Variants in NRXN3 observed in about 807,000 individuals in gnomAD.
NRXN3 encodes the protein neurexin 3.
Under a neutral mutation model 137.6 loss-of-function variants are expected in NRXN3, and 32 were observed. That is an observed-to-expected ratio of 0.23 (90% CI 0.18 to 0.31). The LOEUF (loss-of-function observed/expected upper bound fraction) is 0.31. Ranked by LOEUF, NRXN3 falls within the 10% of genes least tolerant of loss-of-function variation. The pLI, the probability that NRXN3 is intolerant of heterozygous loss-of-function variation, is 1.00. For synonymous variants in NRXN3, 798 were observed against 784.5 expected (o/e 1.02, Z -0.29); for missense variants, 1,574 against 2,062.5 (o/e 0.76, Z 4.59).
At chr14:78,896,163 C>T (rs1011442439) in intron 10 of NRXN3, among the ~76,000 whole-genome samples, 1 of 151,652 alleles carries the variant, frequency 6.6e-6, no homozygotes, top group Non-Finnish European at 1.5e-5. Flanking sequence ...AAGTGAAGCA[C>T]AAAAAAACTA....
At chr14:78,463,690 G>A (rs1358375096) in intron 4 of NRXN3, among the ~76,000 whole-genome samples, 1 of 145,586 alleles carries the variant, frequency 6.9e-6, no homozygotes, top group African/African-American at 2.6e-5. Flanking sequence ...ACAGAAGAAA[G>A]ATGCCTTGTT....
intron 8 of NRXN3, among the ~76,000 whole-genome samples, chr14:78,799,385 A>C (rs966516838): frequency 4.6e-5 from 7 of 152,212 alleles, no homozygotes; most frequent in East Asian, 1.9e-4. Flanking sequence ...TCCAGTTCCC[A>C]AAAAGTTCTT....
At chr14:78,524,129 A>C (rs1463662273) in intron 4 of NRXN3, among the ~76,000 whole-genome samples, 2 of 152,222 alleles carry the variant, frequency 1.3e-5, no homozygotes. Context: ...TGCTGCAAGC[A>C]CAGTGCTTGA....
intron 8 of NRXN3, among the ~76,000 whole-genome samples, chr14:78,737,364 TAG>T (rs2098545719): frequency 6.6e-6 from 1 of 152,050 alleles, no homozygotes. Context: ...GAAATCCGGA[TAG>T]AGTTGGCCCT....
intron 15 of NRXN3, among the ~76,000 whole-genome samples, chr14:79,092,068 C>T (rs2049302149): frequency 6.6e-6 from 1 of 152,132 alleles, no homozygotes; most frequent in Non-Finnish European, 1.5e-5. Context: ...TCTATTTTCT[C>T]TATCTTAAGG....
intron 19 of NRXN3, among the ~76,000 whole-genome samples, chr14:79,753,701 C>T (rs973477271): frequency 6.6e-6 from 1 of 150,916 alleles, no homozygotes; most frequent in African/African-American, 2.4e-5. Context: ...GCATATGTAC[C>T]CTAAAACTTA....
At chr14:79,188,274 G>C (rs921874608) in intron 15 of NRXN3, among the ~76,000 whole-genome samples, 4 of 152,240 alleles carry the variant, frequency 2.6e-5, no homozygotes, top group Admixed American at 1.3e-4. Context: ...CTAGCATTAA[G>C]AAGTATTTCC....
chr14:79,623,124 ATT>A, intron 16 of NRXN3, among the ~76,000 whole-genome samples: 1 of 152,116 alleles, frequency 6.6e-6, no homozygotes, highest in East Asian at 1.9e-4. Flanking sequence ...TCCCTGCTAT[ATT>A]TGAGACAAAG....
At chr14:78,479,177 C>A (rs6574448) in intron 4 of NRXN3, among the ~76,000 whole-genome samples, 2 of 152,212 alleles carry the variant, frequency 1.3e-5, no homozygotes, top group Non-Finnish European at 2.9e-5. Flanking sequence ...TAAAAATTAC[C>A]AATGCCCAGG....
intron 15 of NRXN3, among the ~76,000 whole-genome samples, chr14:79,399,528 G>A (rs190074771): frequency 2.1e-3 from 319 of 152,280 alleles, no homozygotes; most frequent in Admixed American, 7.3e-3. Context: ...TGTGGTCTCT[G>A]ACTCCAGGGG....
chr14:78,374,586 C>G (rs888663580), intron 4 of NRXN3, among the ~76,000 whole-genome samples: 1 of 151,930 alleles, frequency 6.6e-6, no homozygotes, highest in Non-Finnish European at 1.5e-5. Flanking sequence ...GTCTGGCCAA[C>G]ATGGTGAAAC....
intron 1 of NRXN3, among the ~76,000 whole-genome samples, chr14:78,219,622 T>A (rs1257493024): frequency 6.6e-6 from 1 of 152,196 alleles, no homozygotes; most frequent in Non-Finnish European, 1.5e-5. Context: ...CATCAGTGGA[T>A]TTATGCAAGG....
At chr14:78,832,857 T>G (rs945254925) in intron 10 of NRXN3, among the ~76,000 whole-genome samples, 4 of 152,172 alleles carry the variant, frequency 2.6e-5, no homozygotes, top group African/African-American at 9.7e-5. Flanking sequence ...GGAGCTTGGA[T>G]GTCAGTTGGA....
chr14:78,439,680 C>G (rs560748294), intron 4 of NRXN3, among the ~76,000 whole-genome samples: 1 of 152,200 alleles, frequency 6.6e-6, no homozygotes, highest in South Asian at 2.1e-4. Context: ...CCCTATTTTA[C>G]AGGTGTGGAA....
At chr14:78,686,959 A>C (rs889556138) in intron 6 of NRXN3, among the ~76,000 whole-genome samples, 4 of 152,188 alleles carry the variant, frequency 2.6e-5, no homozygotes, top group South Asian at 2.1e-4. Flanking sequence ...AAAAGCAAGC[A>C]AAGAAATCTA....
At chr14:78,968,118 A>T in intron 13 of NRXN3, 55 bp from the exon 14 acceptor site, 3 of 1,033,468 alleles carry the variant, frequency 2.9e-6, no homozygotes, top group Non-Finnish European at 3.8e-6. Flanking sequence ...AAACTAGTTG[A>T]CATGGTCACC....
intron 15 of NRXN3, among the ~76,000 whole-genome samples, chr14:79,079,585 C>T (rs1323707763): frequency 6.6e-6 from 1 of 151,958 alleles, no homozygotes; most frequent in Non-Finnish European, 1.5e-5. Flanking sequence ...AACTTACCTA[C>T]TATAAAGTTT....
At chr14:79,719,131 T>C (rs1270492287) in intron 19 of NRXN3, among the ~76,000 whole-genome samples, 1 of 152,100 alleles carries the variant, frequency 6.6e-6, no homozygotes, top group Non-Finnish European at 1.5e-5. Context: ...CTTCGTCCCT[T>C]TGTTTGAAAT....
chr14:78,501,320 G>A (rs1028754357), intron 4 of NRXN3, among the ~76,000 whole-genome samples: 2 of 152,086 alleles, frequency 1.3e-5, no homozygotes, highest in African/African-American at 4.8e-5. Flanking sequence ...GCTTTCTCCC[G>A]GTTGTTGGCA....
Sources: gnomAD v4.1 joint callset for allele counts (sites outside exome capture counted in the v4.1 genomes callset) on GRCh38, gnomAD v4.1.1 for gene constraint, MANE v1.5 for transcripts, NCBI Gene and HGNC (gene_info 2026-07-23, HGNC 2026-07-21) for gene names.